Variants in ADAMTS3 observed in about 807,000 individuals in gnomAD.
ADAMTS3 encodes A disintegrin and metalloproteinase with thrombospondin motifs 3.
In ADAMTS3, 73 loss-of-function variants were observed where a neutral mutation model predicts 129.0. That is an observed-to-expected ratio of 0.57 (90% CI 0.47 to 0.69). The LOEUF (loss-of-function observed/expected upper bound fraction) is 0.69, where lower values mean the gene tolerates loss of function less well. Among genes scored for constraint, ADAMTS3 ranks in the 30% least tolerant of loss-of-function variants. ADAMTS3 has a pLI of 0.00. For missense variants in ADAMTS3, 1,457 were observed against 1,514.5 expected, an observed-to-expected ratio of 0.96 and a Z score of 0.63; for synonymous variants, 477 against 510.8, an observed-to-expected ratio of 0.93 and a Z score of 0.89.
intron 3 of ADAMTS3, among the ~76,000 whole-genome samples, chr4:72,468,244 C>G (rs116127033): frequency 2.6e-5 from 4 of 152,100 alleles, no homozygotes; most frequent in Non-Finnish European, 5.9e-5. Context: ...GTGTAAGAAT[C>G]TAATTGGCAA....
At chr4:72,563,066 T>C (rs2679036) in intron 2 of ADAMTS3, among the ~76,000 whole-genome samples, 146,842 of 152,254 alleles carry the variant, frequency 0.96, 71,049 homozygotes, top group East Asian at 1. Context: ...AGATCATCAT[T>C]CTGGAAGCAG....
intron 4 of ADAMTS3, among the ~76,000 whole-genome samples, chr4:72,386,262 T>A (rs1721443197): frequency 6.6e-6 from 1 of 152,174 alleles, no homozygotes; most frequent in Non-Finnish European, 1.5e-5. Context: ...TCTCTTTCCA[T>A]CCAAATTTAT....
intron 5 of ADAMTS3, among the ~76,000 whole-genome samples, chr4:72,338,734 A>G (rs78183725): frequency 0.048 from 7,231 of 152,168 alleles, 555 homozygotes; most frequent in African/African-American, 0.16. Context: ...TATATATTTC[A>G]TATTGGCATG....
At chr4:72,453,497 A>C (rs139033575) in intron 3 of ADAMTS3, among the ~76,000 whole-genome samples, 1 of 151,940 alleles carries the variant, frequency 6.6e-6, no homozygotes, top group African/African-American at 2.4e-5. Context: ...AGATGAGGAA[A>C]CTGAGCACAA....
At chr4:72,517,233 T>C (rs568475640) in intron 3 of ADAMTS3, among the ~76,000 whole-genome samples, 3 of 152,188 alleles carry the variant, frequency 2.0e-5, no homozygotes, top group East Asian at 3.8e-4. Context: ...CTGGATTCGG[T>C]TTGCCAGTAT....
intron 3 of ADAMTS3, among the ~76,000 whole-genome samples, chr4:72,521,003 CT>C (rs752135685): frequency 1.1e-3 from 156 of 144,198 alleles, no homozygotes; most frequent in Middle Eastern, 3.6e-3. Context: ...CACTTTTTTT[CT>C]TTTTTTTTTT....
chr4:72,367,711 G>A (rs774621322), intron 4 of ADAMTS3, among the ~76,000 whole-genome samples: 1 of 152,060 alleles, frequency 6.6e-6, no homozygotes, highest in Non-Finnish European at 1.5e-5. Flanking sequence ...TTAGCCGGGC[G>A]TGGCGGCAGG....
At chr4:72,368,227 T>C (rs1720920357) in intron 4 of ADAMTS3, among the ~76,000 whole-genome samples, 1 of 152,180 alleles carries the variant, frequency 6.6e-6, no homozygotes, top group African/African-American at 2.4e-5. Context: ...TCTAAAATAT[T>C]TTGAATTCAA....
intron 4 of ADAMTS3, among the ~76,000 whole-genome samples, chr4:72,347,373 A>G (rs1209343352): frequency 3.3e-5 from 5 of 151,042 alleles, no homozygotes; most frequent in African/African-American, 1.2e-4. Context: ...AAGCCCATTT[A>G]TACCCTTTCT....
At chr4:72,343,737 G>A (rs1720199909) in intron 4 of ADAMTS3, among the ~76,000 whole-genome samples, 1 of 152,018 alleles carries the variant, frequency 6.6e-6, no homozygotes, top group Non-Finnish European at 1.5e-5. Context: ...TAACAGGTGT[G>A]TTCTCAACTG....
intron 3 of ADAMTS3, among the ~76,000 whole-genome samples, chr4:72,503,929 G>A (rs1297367728): frequency 6.6e-6 from 1 of 152,010 alleles, no homozygotes; most frequent in Non-Finnish European, 1.5e-5. Flanking sequence ...CCTGCTCTTT[G>A]TTGTGTTCTT....
Position 72,332,434 on chromosome 4 carries a change from A to T in ADAMTS3, c.861+7060T>A, listed in dbSNP as rs77144667. On this transcript the variant is annotated intron_variant, in intron 5 of 21. Coordinates refer to ENST00000286657, the MANE Select transcript of ADAMTS3 (RefSeq NM_014243.3). Reference sequence around the variant, plus strand: ...CATTTATGCTCGTTCACTGTCCATCATAAGTAGCTAATTTCAATATACAAA... The same window carrying T: ...CATTTATGCTCGTTCACTGTCCATCTTAAGTAGCTAATTTCAATATACAAA... 5.3e-3 allele frequency among the ~76,000 whole-genome samples: 810 copies of T among 152,284 alleles called. 11 individuals carry two copies. The highest frequency in any genetic ancestry group is 0.019 in the African/African-American group (779 of 41,548).
At chr4:72,350,488 T>G (rs999595969) in intron 4 of ADAMTS3, among the ~76,000 whole-genome samples, 6 of 152,072 alleles carry the variant, frequency 3.9e-5, no homozygotes, top group Non-Finnish European at 4.4e-5. Flanking sequence ...TAAGTTTAGA[T>G]GGGAGGTCTG....
In ADAMTS3 at chr4:72,411,732, C is replaced by T. The variant is rs1430166608; in HGVS notation, c.661+3083G>A. Reference sequence around the variant, plus strand: ...TCAAATTGGACCAACTTATCATCCTCCTTTATCAAGCCTATTTCTGTTTCT... The same window carrying T: ...TCAAATTGGACCAACTTATCATCCTTCTTTATCAAGCCTATTTCTGTTTCT... On this transcript the variant is annotated intron_variant, in intron 4 of 21. Transcript: ENST00000286657. Among the ~76,000 whole-genome samples, 4 of 152,102 alleles carry T rather than the reference C, an allele frequency of 2.6e-5. No homozygotes were observed. In the East Asian group the frequency reaches 7.7e-4, roughly 29 times the overall value.
At chr4:72,490,907 A>G (rs905288441) in intron 3 of ADAMTS3, among the ~76,000 whole-genome samples, 2 of 151,826 alleles carry the variant, frequency 1.3e-5, no homozygotes, top group African/African-American at 4.8e-5. Flanking sequence ...CTGAGTCTGT[A>G]TATAACTTTG....
In ADAMTS3 at chr4:72,283,218, G is replaced by A. The variant is rs765023583; in HGVS notation, c.3536C>T (p.Ser1179Phe). 36 of 1,613,874 alleles carry A rather than the reference G, an allele frequency of 2.2e-5. No individual in the cohort carries two copies. The highest frequency in any genetic ancestry group is 2.5e-5 in the Non-Finnish European group (30 of 1,179,934). Residue 1179 changes from serine (S) to phenylalanine (F), a missense_variant, in exon 22 of 22, where the codon TCT (serine) becomes TTT (phenylalanine). Physicochemically the swap from Ser to Phe is radical, Grantham distance 155. Transcript: ENST00000286657. ...TTTCTTTGAGGTTCTTGCCTGAGAAGAAGCACCTATTGAATCACTGGCTGC... is the reference window on the plus strand; with the variant it reads ...TTTCTTTGAGGTTCTTGCCTGAGAAAAAGCACCTATTGAATCACTGGCTGC... ...FFAASDSIGASSQARTSKKDG... is the reference protein window; with the variant it reads ...FFAASDSIGAFSQARTSKKDG...
intron 5 of ADAMTS3, among the ~76,000 whole-genome samples, chr4:72,334,507 A>T (rs1719940448): frequency 6.6e-6 from 1 of 152,178 alleles, no homozygotes; most frequent in African/African-American, 2.4e-5. Context: ...TGGGTTGATA[A>T]TTATGGACCA....
rs759621378 is a variant in ADAMTS3, at chr4:72,311,228, G to A, written c.1922-47C>T. 3 of 1,525,428 alleles carry A rather than the reference G, an allele frequency of 2.0e-6. No homozygotes were observed. In the South Asian group the frequency reaches 3.6e-5, roughly 19 times the overall value. The allele number at this position is 1,525,428 out of a possible 1,614,324, so 94.5% of individuals were successfully genotyped here. A position where few individuals can be genotyped will look rare whatever the true frequency, so the allele number is the denominator to read the frequency against. Reference sequence around the variant, plus strand: ...ATTAACTATTTACATAAAATGGAATGTTTGAACAGCATAGTTTATTTTATT... The same window carrying A: ...ATTAACTATTTACATAAAATGGAATATTTGAACAGCATAGTTTATTTTATT... On this transcript the variant is annotated intron_variant, in intron 13 of 21. Transcript: ENST00000286657.
Position 72,501,866 on chromosome 4 carries a change from A to C in ADAMTS3, c.504+46612T>G, listed in dbSNP as rs1720034066. Reference sequence around the variant, plus strand: ...AACAGCTCTTTCCACATCTATTGAGATGATCGTATGATTTTCTTTCTAATT... The same window carrying C: ...AACAGCTCTTTCCACATCTATTGAGCTGATCGTATGATTTTCTTTCTAATT... On this transcript the variant is annotated intron_variant, in intron 3 of 21. Transcript: ENST00000286657. Among the ~76,000 whole-genome samples, 3 of 152,112 alleles carry C rather than the reference A, an allele frequency of 2.0e-5. No individual in the cohort carries two copies. In the South Asian group the frequency reaches 6.2e-4, roughly 32 times the overall value.
Sources: gnomAD v4.1 joint callset for allele counts (sites outside exome capture counted in the v4.1 genomes callset) on GRCh38, gnomAD v4.1.1 for gene constraint, MANE v1.5 for transcripts, NCBI Gene and HGNC (gene_info 2026-07-23, HGNC 2026-07-21) for gene names.